Variants in ATF3 observed in about 807,000 individuals in gnomAD.
The protein encoded by ATF3 is cyclic AMP-dependent transcription factor ATF-3.
In ATF3, 10 loss-of-function variants were observed where a neutral mutation model predicts 18.4. The ratio of observed to expected loss-of-function variants is 0.54; its 90% CI spans 0.34 to 0.92. The LOEUF (loss-of-function observed/expected upper bound fraction) is 0.92, where lower values mean the gene tolerates loss of function less well. Ranked by LOEUF, ATF3 falls within the 40% of genes least tolerant of loss-of-function variation. The pLI is 0.02. For synonymous variants in ATF3, 78 were observed against 87.9 expected (o/e 0.89, Z 0.63); for missense variants, 183 against 222.3 (o/e 0.82, Z 1.12).
chr1:212,593,733 C>T (rs1382979140), intron 1 of ATF3, among the ~76,000 whole-genome samples: 1 of 113,052 alleles, frequency 8.8e-6, no homozygotes, highest in South Asian at 3.3e-4. Flanking sequence ...AGAGAGAGAC[C>T]CTGTCTCTTT....
chr1:212,566,351 G>C (rs1407834860), intron 1 of ATF3, among the ~76,000 whole-genome samples: 1 of 152,142 alleles, frequency 6.6e-6, no homozygotes, highest in African/African-American at 2.4e-5. Context: ...GTCTGGCTCT[G>C]CCATTTGCTG....
At chr1:212,602,097 CCTT>C (rs150654686) in intron 1 of ATF3, among the ~76,000 whole-genome samples, 8,544 of 152,090 alleles carry the variant, frequency 0.056, 267 homozygotes, top group Middle Eastern at 0.12. Context: ...GGTTATAAGA[CCTT>C]CTTAAAACTA....
chr1:212,589,367 T>C (rs760305879), intron 1 of ATF3, among the ~76,000 whole-genome samples: 2 of 152,212 alleles, frequency 1.3e-5, no homozygotes, highest in Non-Finnish European at 2.9e-5. Flanking sequence ...AAGGGAACTG[T>C]GCTGATATCC....
At chr1:212,613,827 T>C (rs1394983616) in intron 1 of ATF3, 2 of 152,242 alleles carry the variant, frequency 1.3e-5, no homozygotes, top group East Asian at 1.9e-4. Flanking sequence ...CTCTTCCAAA[T>C]TGGGGCCATG....
intron 1 of ATF3, among the ~76,000 whole-genome samples, chr1:212,584,193 A>G (rs533025468): frequency 1.3e-5 from 2 of 152,250 alleles, no homozygotes; most frequent in South Asian, 4.1e-4. Flanking sequence ...AACAACTTTT[A>G]CCGTCCGGAC....
rs556833447 is a variant in ATF3 at position 212,588,408 on chromosome 1, AGGGTGTCACCACC to A, written c.-5+22929_-5+22941del. On this transcript the variant is annotated intron_variant, in intron 1 of 3. Transcript: ENST00000366981. Reference sequence around the variant, plus strand: ...ATAAAGAATCACATCTCGTCACCCTAGGGTGTCACCACCGGGACACAAAATTCATTTCACACAA... The same window carrying A: ...ATAAAGAATCACATCTCGTCACCCTAGGGACACAAAATTCATTTCACACAA... Among the ~76,000 whole-genome samples, 609 of 152,252 alleles carry A rather than the reference AGGGTGTCACCACC, an allele frequency of 4.0e-3. 2 individuals are homozygous for A. The highest frequency in any genetic ancestry group is 6.4e-3 in the Non-Finnish European group (434 of 67,992).
chr1:212,578,997 C>A (rs568667103), intron 1 of ATF3, among the ~76,000 whole-genome samples: 2 of 145,994 alleles, frequency 1.4e-5, no homozygotes, highest in East Asian at 4.0e-4. Context: ...CCAGGCAGCT[C>A]TCTGGAGACT....
At chr1:212,614,012 G>T (rs2102656281) in intron 1 of ATF3, 1 of 152,290 alleles carries the variant, frequency 6.6e-6, no homozygotes, top group Non-Finnish European at 1.5e-5. Context: ...GGGGCCATTT[G>T]ATTTGATGAC....
intron 1 of ATF3, among the ~76,000 whole-genome samples, chr1:212,567,904 G>A (rs1664412236): frequency 6.6e-6 from 1 of 152,206 alleles, no homozygotes; most frequent in Non-Finnish European, 1.5e-5. Context: ...CTCCAGTCCT[G>A]TTCCAGAACT....
At chr1:212,602,840 G>A (rs770684813) in intron 1 of ATF3, among the ~76,000 whole-genome samples, 1 of 152,202 alleles carries the variant, frequency 6.6e-6, no homozygotes, top group Non-Finnish European at 1.5e-5. Flanking sequence ...GCCGATGCTA[G>A]ACCCAGAATG....
In ATF3 at chr1:212,618,004, C is replaced by A. The variant is rs575648604; in HGVS notation, c.241-123C>A. The A allele has an allele frequency of 9.5e-6, 8 of 843,084 alleles. No individual in the cohort carries two copies. The South Asian group carries it at 1.1e-4, about 11-fold the overall frequency. 52.2% of individuals were successfully genotyped at this position (843,084 alleles called of 1,614,324 possible). A position where few individuals can be genotyped will look rare whatever the true frequency, so the allele number is the denominator to read the frequency against. ...ACAAAAGTCTAGAGCTTTAGTATTT[C>A]GGGGTCTTTTAGCGCTAGCATTGCC... On this transcript the variant is annotated intron_variant, in intron 2 of 3. Coordinates refer to ENST00000341491, the MANE Select transcript of ATF3 (RefSeq NM_001674.4). This position sits in a 1 kb window ranked among gnomAD's most constrained non-coding sequence, Gnocchi z 4.4.
At chr1:212,573,945 T>A (rs1256963760) in intron 1 of ATF3, among the ~76,000 whole-genome samples, 1 of 151,446 alleles carries the variant, frequency 6.6e-6, no homozygotes, top group Admixed American at 6.6e-5. Flanking sequence ...TTCATAGGGT[T>A]TTTTTTTCTT....
chr1:212,602,049 G>A (rs1287062324), intron 1 of ATF3, among the ~76,000 whole-genome samples: 1 of 152,072 alleles, frequency 6.6e-6, no homozygotes, highest in East Asian at 1.9e-4. Context: ...ATATAAATGA[G>A]GAAACAGACA....
chr1:212,602,523 T>A (rs907951722), intron 1 of ATF3, among the ~76,000 whole-genome samples: 11 of 152,174 alleles, frequency 7.2e-5, no homozygotes, highest in Non-Finnish European at 1.3e-4. Flanking sequence ...CAGGAGGTGG[T>A]AGGTATCGTG....
chr1:212,590,385 C>T (rs141764362), intron 1 of ATF3, among the ~76,000 whole-genome samples: 5 of 150,500 alleles, frequency 3.3e-5, no homozygotes, highest in African/African-American at 9.8e-5. Flanking sequence ...AGGTATATTG[C>T]GCTAAGTGAA....
chr1:212,584,044 G>T (rs1450777998), intron 1 of ATF3, among the ~76,000 whole-genome samples: 1 of 152,110 alleles, frequency 6.6e-6, no homozygotes, highest in Non-Finnish European at 1.5e-5. Flanking sequence ...TTACAAGGGG[G>T]AGGAGATAAA....
At chr1:212,579,006 CTTTTTTT>C (rs10565752) in intron 1 of ATF3, among the ~76,000 whole-genome samples, 6 of 84,540 alleles carry the variant, frequency 7.1e-5, no homozygotes, top group Admixed American at 2.7e-4. Flanking sequence ...TCTCTGGAGA[CTTTTTTT>C]TTTTTTTTTT....
At chr1:212,595,806 G>A (rs1337999445) in intron 1 of ATF3, among the ~76,000 whole-genome samples, 1 of 152,180 alleles carries the variant, frequency 6.6e-6, no homozygotes, top group South Asian at 2.1e-4. Context: ...CCACATTTGC[G>A]TTTGGTAATA....
intron 1 of ATF3, among the ~76,000 whole-genome samples, chr1:212,591,453 A>G (rs1463522388): frequency 6.6e-6 from 1 of 152,194 alleles, no homozygotes; most frequent in Non-Finnish European, 1.5e-5. Context: ...TTCTGGCAAG[A>G]GCAGAGGTCA....
Sources: allele counts gnomAD v4.1 joint callset (sites outside exome capture counted in the v4.1 genomes callset), GRCh38; gene constraint gnomAD v4.1.1; non-coding constraint Gnocchi (gnomAD v3.1); transcripts MANE v1.5; gene names NCBI Gene and HGNC (gene_info 2026-07-23, HGNC 2026-07-21).